DNM3: variants seen among roughly 807,000 people sequenced by gnomAD.
The protein encoded by DNM3 is dynamin 3.
A neutral mutation model predicts 101.6 loss-of-function variants in DNM3; 47 were observed. The observed-to-expected ratio is 0.46, with a 90% CI of 0.37 to 0.59. The LOEUF is 0.59. Among genes scored for constraint, DNM3 ranks in the 20% least tolerant of loss-of-function variants. The probability of loss-of-function intolerance (pLI) is 0.00; values close to 1 mark genes in which losing one functional copy is unlikely to be tolerated. For synonymous variants in DNM3, 385 were observed against 387.9 expected (o/e 0.99, Z 0.09); for missense variants, 849 against 1,085.7 (o/e 0.78, Z 3.06).
intron 11 of DNM3, among the ~76,000 whole-genome samples, chr1:172,080,576 T>A (rs759755687): frequency 2.0e-5 from 3 of 152,188 alleles, no homozygotes; most frequent in Non-Finnish European, 4.4e-5. Flanking sequence ...GGGGGTGGGA[T>A]CCGCTGACCT....
intron 2 of DNM3, among the ~76,000 whole-genome samples, chr1:171,929,800 A>T (rs1448192083): frequency 1.3e-5 from 2 of 152,216 alleles, no homozygotes; most frequent in Admixed American, 6.5e-5. Flanking sequence ...AGTGAGGAGG[A>T]GAAACAGCAT....
At chr1:172,055,018 T>G (rs866769300) in intron 10 of DNM3, among the ~76,000 whole-genome samples, 5 of 128,730 alleles carry the variant, frequency 3.9e-5, no homozygotes, top group Middle Eastern at 0.014. Flanking sequence ...CATTAAGAAG[T>G]GCTGTTAGAA....
chr1:172,358,371 C>G (rs1239336985), intron 17 of DNM3, among the ~76,000 whole-genome samples: 8 of 151,908 alleles, frequency 5.3e-5, no homozygotes, highest in Non-Finnish European at 1.0e-4. Flanking sequence ...TGTCAAACAC[C>G]AGTGGGAAGA....
At chr1:172,137,155 A>C (rs1229112283) in intron 14 of DNM3, 3 of 152,166 alleles carry the variant, frequency 2.0e-5, no homozygotes, top group Non-Finnish European at 4.4e-5. Context: ...GAATAATTCC[A>C]TACGTGAACT....
chr1:171,941,304 G>A (rs1263163331), intron 2 of DNM3, among the ~76,000 whole-genome samples: 2 of 152,154 alleles, frequency 1.3e-5, no homozygotes, highest in African/African-American at 4.8e-5. Flanking sequence ...TAGCAAAGGT[G>A]GCTTGGGTAT....
intron 15 of DNM3, among the ~76,000 whole-genome samples, chr1:172,284,335 T>C (rs1358929200): frequency 1.3e-5 from 2 of 152,234 alleles, no homozygotes; most frequent in African/African-American, 4.8e-5. Flanking sequence ...TTTTTTGTTT[T>C]GTTTTTAGGG....
At chr1:172,143,134 C>T (rs1558635146) in intron 14 of DNM3, among the ~76,000 whole-genome samples, 1 of 151,936 alleles carries the variant, frequency 6.6e-6, no homozygotes, top group Non-Finnish European at 1.5e-5. Flanking sequence ...GTTGTTTTGA[C>T]AAAAGAAAAC....
At chr1:172,194,437 A>C (rs2059867164) in intron 14 of DNM3, among the ~76,000 whole-genome samples, 1 of 152,082 alleles carries the variant, frequency 6.6e-6, no homozygotes, top group African/African-American at 2.4e-5. Flanking sequence ...TGTCTCATTG[A>C]TCTGTCTAAT....
At chr1:171,874,329 A>G (rs2035565697) in intron 1 of DNM3, among the ~76,000 whole-genome samples, 1 of 152,278 alleles carries the variant, frequency 6.6e-6, no homozygotes, top group Admixed American at 6.5e-5. Flanking sequence ...TAATTTCTTA[A>G]TTATTTCAAA....
chr1:171,874,925 G>T (rs956324993), intron 1 of DNM3, among the ~76,000 whole-genome samples: 1 of 151,842 alleles, frequency 6.6e-6, no homozygotes, highest in African/African-American at 2.4e-5. Flanking sequence ...GCAGTATTTG[G>T]TTTGCTGTTC....
chr1:171,942,831 G>C (rs1041947993), intron 2 of DNM3, among the ~76,000 whole-genome samples: 3 of 152,150 alleles, frequency 2.0e-5, no homozygotes, highest in Admixed American at 2.0e-4. Context: ...CCAGTGCAAG[G>C]CTGGGTGCAG....
chr1:171,985,112 G>A (rs778308210), intron 2 of DNM3, among the ~76,000 whole-genome samples: 2 of 152,088 alleles, frequency 1.3e-5, no homozygotes, highest in Admixed American at 6.5e-5. Context: ...GGAATGTATC[G>A]ATTAGCAGTG....
chr1:171,903,392 T>G (rs922460438), intron 1 of DNM3, among the ~76,000 whole-genome samples: 3 of 152,186 alleles, frequency 2.0e-5, no homozygotes, highest in Non-Finnish European at 4.4e-5. Flanking sequence ...CTGTATGTAT[T>G]TTTTTCCATT....
intron 14 of DNM3, among the ~76,000 whole-genome samples, chr1:172,217,681 T>C (rs2060754725): frequency 6.6e-6 from 1 of 152,172 alleles, no homozygotes; most frequent in South Asian, 2.1e-4. Context: ...CAGGCAGTGC[T>C]CCACTCTCTC....
At chr1:172,053,628 A>G (rs1291262273) in intron 10 of DNM3, among the ~76,000 whole-genome samples, 1 of 152,182 alleles carries the variant, frequency 6.6e-6, no homozygotes, top group African/African-American at 2.4e-5. Flanking sequence ...ATAAATATTT[A>G]CTAACAATTT....
intron 14 of DNM3, among the ~76,000 whole-genome samples, chr1:172,161,812 A>G (rs539759650): frequency 2.0e-4 from 31 of 152,246 alleles, no homozygotes; most frequent in African/African-American, 7.5e-4. Context: ...AACTGCTACC[A>G]GAGACATAGA....
intron 15 of DNM3, among the ~76,000 whole-genome samples, chr1:172,295,683 A>C (rs1573340003): frequency 6.6e-6 from 1 of 152,328 alleles, no homozygotes; most frequent in East Asian, 1.9e-4. Context: ...ATTTAAAAAC[A>C]GCAAATTGTA....
chr1:172,342,542 G>A (rs2066736891), intron 17 of DNM3, among the ~76,000 whole-genome samples: 1 of 152,176 alleles, frequency 6.6e-6, no homozygotes, highest in South Asian at 2.1e-4. Flanking sequence ...TCATTTATAA[G>A]TGAGAGTCAA....
intron 2 of DNM3, chr1:171,987,307 A>G: frequency 4.1e-6 from 4 of 985,330 alleles, no homozygotes; most frequent in Non-Finnish European, 4.8e-6. Flanking sequence ...CAGAACTCAG[A>G]GGTATCCCAG....
Sources: gnomAD v4.1 joint callset for allele counts (sites outside exome capture counted in the v4.1 genomes callset) on GRCh38, gnomAD v4.1.1 for gene constraint, MANE v1.5 for transcripts, NCBI Gene and HGNC (gene_info 2026-07-23, HGNC 2026-07-21) for gene names.